The following NRG1 variants were observed in gnomAD, a reference collection of about 807,000 sequenced individuals.
The protein encoded by NRG1 is pro-neuregulin-1, membrane-bound isoform.
Under a neutral mutation model 63.8 loss-of-function variants are expected in NRG1, and 18 were observed. That is an observed-to-expected ratio of 0.28 (90% confidence interval 0.19 to 0.42). NRG1 has a LOEUF of 0.42. NRG1 is among the 10% of genes least tolerant of loss of function. The pLI is 1.00. For synonymous variants in NRG1, 302 were observed against 301.3 expected, an observed-to-expected ratio of 1.00 and a Z score of -0.02; for missense variants, 762 against 814.7, an observed-to-expected ratio of 0.94 and a Z score of 0.79.
At chr8:31,895,516 C>T (rs970915945) in intron 1 of NRG1, among the ~76,000 whole-genome samples, 7 of 152,222 alleles carry the variant, frequency 4.6e-5, no homozygotes, top group East Asian at 1.9e-4. Context: ...TGTAATTAAT[C>T]GGAAGGCTTT....
chr8:32,363,338 G>C (rs1290627453), intron 1 of NRG1, among the ~76,000 whole-genome samples: 1 of 152,158 alleles, frequency 6.6e-6, no homozygotes, highest in Non-Finnish European at 1.5e-5. Context: ...GGCTATTCGA[G>C]TGCATTGAAA....
chr8:32,167,815 G>T (rs906286074), intron 1 of NRG1, among the ~76,000 whole-genome samples: 14 of 152,240 alleles, frequency 9.2e-5, no homozygotes, highest in Non-Finnish European at 2.1e-4. Context: ...TGTGTCTTCA[G>T]TGGTCCTTAA....
At chr8:32,187,981 C>T (rs560794510) in intron 1 of NRG1, among the ~76,000 whole-genome samples, 9 of 152,148 alleles carry the variant, frequency 5.9e-5, no homozygotes, top group East Asian at 3.9e-4. Context: ...CTCTGAAGGT[C>T]GACACTCTCA....
At chr8:31,944,314 A>G (rs936038125) in intron 1 of NRG1, among the ~76,000 whole-genome samples, 7 of 152,202 alleles carry the variant, frequency 4.6e-5, no homozygotes, top group East Asian at 1.9e-4. Flanking sequence ...ACATTTTTGT[A>G]TGAATCACTC....
At chr8:31,915,667 C>T (rs1335320119) in intron 1 of NRG1, among the ~76,000 whole-genome samples, 1 of 152,040 alleles carries the variant, frequency 6.6e-6, no homozygotes, top group Non-Finnish European at 1.5e-5. Context: ...AATATATGCT[C>T]ATTTTATATC....
intron 1 of NRG1, among the ~76,000 whole-genome samples, chr8:32,355,669 G>A (rs368534425): frequency 1.0e-4 from 15 of 148,834 alleles, no homozygotes; most frequent in Admixed American, 3.3e-4. Context: ...AAAGAAGGGG[G>A]AAAAAAAAAA....
exon 11 of NRG1, chr8:32,760,327 G>T: frequency 6.2e-7 from 1 of 1,614,010 alleles, no homozygotes. Context: ...TGGCACAGGA[G>T]GCCCTCGTGA....
At chr8:32,727,871 G>C (rs1822597226) in intron 5 of NRG1, 78 bp from the exon 6 acceptor site, 1 of 1,426,024 alleles carries the variant, frequency 7.0e-7, no homozygotes, top group South Asian at 1.3e-5. Context: ...CTTCCTTTTA[G>C]GATAATTTAA....
chr8:31,718,090 T>C (rs1386789928), intron 1 of NRG1, among the ~76,000 whole-genome samples: 2 of 152,210 alleles, frequency 1.3e-5, no homozygotes, highest in Non-Finnish European at 2.9e-5. Flanking sequence ...TTTAACCTAA[T>C]GGATATTTGT....
chr8:32,760,089 G>T, intron 10 of NRG1, 111 bp from the exon 11 acceptor site: 1 of 1,201,528 alleles, frequency 8.3e-7, no homozygotes, highest in Non-Finnish European at 1.2e-6. Context: ...AGTGAGCTCC[G>T]GGTGCATCAG....
intron 1 of NRG1, among the ~76,000 whole-genome samples, chr8:32,355,550 T>A (rs569008667): frequency 9.5e-4 from 145 of 152,106 alleles, no homozygotes; most frequent in African/African-American, 3.4e-3. Flanking sequence ...AAAGGTCCTA[T>A]GAAACAGGGA....
chr8:32,669,159 G>C (rs2466089), intron 5 of NRG1, among the ~76,000 whole-genome samples: 121,474 of 152,076 alleles, frequency 0.8, 49,952 homozygotes, highest in East Asian at 1. Flanking sequence ...TCATTATCCA[G>C]TTCTCATTCA....
chr8:32,048,370 CAT>C lies in NRG1; in HGVS notation c.37+408946_37+408947del, dbSNP rs981604309. Among the ~76,000 whole-genome samples, 47 of 144,404 alleles carry C rather than the reference CAT, an allele frequency of 3.3e-4. No individual in the cohort carries two copies. In the East Asian group the frequency reaches 5.0e-3, roughly 15 times the overall value. 94.7% of individuals were successfully genotyped at this position (144,404 alleles called of 152,430 possible). A position where few individuals can be genotyped will look rare whatever the true frequency, so the allele number is the denominator to read the frequency against. ...ATGAATATACATATATGCATGTATA[CAT>C]ATATATGTATGAATATATATACATG... is the stretch of plus-strand genomic sequence containing the variant. On this transcript the variant is annotated intron_variant, in intron 1 of 10. Transcript: ENST00000519301.
At position 31,889,159 on chromosome 8, in the gene NRG1, G is replaced by C. The variant is rs1392020562; in HGVS notation, c.37+249728G>C. Among the ~76,000 whole-genome samples, 4 of 152,280 alleles carry C rather than the reference G, an allele frequency of 2.6e-5. No homozygotes were observed. The East Asian group carries it at 7.7e-4, about 29-fold the overall frequency. On this transcript the variant is annotated intron_variant, in intron 1 of 10. Transcript: ENST00000519301. ...TTTAGAACATCCACTCATTTTAAAA[G>C]TAATGTCTAGGCCTAGGAAAGTGAC...
chr8:31,740,473 T>C (rs1815148876), intron 1 of NRG1, among the ~76,000 whole-genome samples: 3 of 152,128 alleles, frequency 2.0e-5, no homozygotes, highest in Admixed American at 2.0e-4. Context: ...AGTTCAGTGA[T>C]TTTTTTCTGT....
intron 7 of NRG1, chr8:32,749,226 T>G (rs1213943075): frequency 3.6e-6 from 1 of 277,316 alleles, no homozygotes; most frequent in Admixed American, 4.8e-5. Context: ...ATGCCTTTTC[T>G]GATTATAAAG....
At chr8:32,017,022 A>C (rs1224250091) in intron 1 of NRG1, among the ~76,000 whole-genome samples, 1 of 152,232 alleles carries the variant, frequency 6.6e-6, no homozygotes, top group Non-Finnish European at 1.5e-5. Context: ...AACTCTAAGA[A>C]ACATATTAAT....
chr8:31,954,356 G>T (rs1316194725), intron 1 of NRG1, among the ~76,000 whole-genome samples: 1 of 152,192 alleles, frequency 6.6e-6, no homozygotes, highest in South Asian at 2.1e-4. Flanking sequence ...ACTGGAGAGA[G>T]AGGTTGAAGA....
At chr8:32,571,494 G>C (rs1838572593) in intron 1 of NRG1, among the ~76,000 whole-genome samples, 1 of 152,078 alleles carries the variant, frequency 6.6e-6, no homozygotes, top group South Asian at 2.1e-4. Flanking sequence ...TCTTCTTCCT[G>C]CTTGGGTCCT....
Sources: allele counts gnomAD v4.1 joint callset (sites outside exome capture counted in the v4.1 genomes callset), GRCh38; gene constraint gnomAD v4.1.1; transcripts MANE v1.5; gene names NCBI Gene and HGNC (gene_info 2026-07-23, HGNC 2026-07-21).